ANKS1B: variants seen among roughly 807,000 people sequenced by gnomAD.
ANKS1B encodes the protein ankyrin repeat and sterile alpha motif domain-containing protein 1B.
In ANKS1B, 36 loss-of-function variants were observed where a neutral mutation model predicts 148.3. The observed-to-expected ratio is 0.24, with a 90% CI of 0.19 to 0.32. The LOEUF is 0.32. ANKS1B is among the 10% of genes least tolerant of loss of function. The pLI is 1.00. For missense variants in ANKS1B, 1,157 were observed against 1,542.6 expected (o/e 0.75, Z 4.19); for synonymous variants, 542 against 560.8 (o/e 0.97, Z 0.47).
rs373021059 is a variant in ANKS1B at position 99,782,466 on chromosome 12, G to C, written c.670-369C>G. On this transcript the variant is annotated intron_variant, in intron 4 of 26. Transcript: ENST00000683438. ...CCCAGCTACTCAGGAAGCTGAGGCA[G>C]GAGAATCGCTTGAACTCAGGAAGCA... Among the ~76,000 whole-genome samples, 5 of 152,298 alleles carry C rather than the reference G, an allele frequency of 3.3e-5. No homozygotes were observed. The East Asian group carries it at 9.7e-4, about 29-fold the overall frequency.
At chr12:99,872,657 A>T (rs946853684) in intron 1 of ANKS1B, among the ~76,000 whole-genome samples, 2 of 152,164 alleles carry the variant, frequency 1.3e-5, no homozygotes, top group Admixed American at 1.3e-4. Context: ...AAACAATTTT[A>T]AAGATTCTTA....
intron 2 of ANKS1B, among the ~76,000 whole-genome samples, chr12:99,821,892 A>G (rs1288295548): frequency 6.6e-6 from 1 of 152,114 alleles, no homozygotes; most frequent in African/African-American, 2.4e-5. Context: ...AAATATTTAG[A>G]TATCTGGACA....
chr12:98,845,077 A>G (rs1387304593), intron 17 of ANKS1B, among the ~76,000 whole-genome samples: 4 of 152,174 alleles, frequency 2.6e-5, no homozygotes, highest in Non-Finnish European at 5.9e-5. Context: ...TAAACGTAGG[A>G]AGGGGTTTAG....
chr12:99,487,424 G>C (rs1026272596), intron 10 of ANKS1B, among the ~76,000 whole-genome samples: 1 of 152,046 alleles, frequency 6.6e-6, no homozygotes, highest in Non-Finnish European at 1.5e-5. Flanking sequence ...TTCTATGTTT[G>C]TATATTAAAG....
intron 16 of ANKS1B, among the ~76,000 whole-genome samples, chr12:99,058,986 C>T (rs2041378998): frequency 1.9e-5 from 2 of 107,392 alleles, no homozygotes; most frequent in African/African-American, 7.1e-5. Context: ...ATCCGCCCGC[C>T]TCGGCCTCCC....
At chr12:99,869,813 ACTC>A (rs2091263544) in intron 1 of ANKS1B, among the ~76,000 whole-genome samples, 2 of 152,068 alleles carry the variant, frequency 1.3e-5, no homozygotes, top group African/African-American at 4.8e-5. Flanking sequence ...TAAAAAAAGA[ACTC>A]CTAATAGATC....
chr12:99,370,516 C>G (rs2093070033), intron 12 of ANKS1B, among the ~76,000 whole-genome samples: 1 of 152,024 alleles, frequency 6.6e-6, no homozygotes, highest in African/African-American at 2.4e-5. Flanking sequence ...AAAAGACAGG[C>G]AACAGACACA....
rs2097768393 is a variant in ANKS1B, at chr12:98,735,489, G to A, written c.*71C>T. On this transcript the variant is annotated 3_prime_UTR_variant, in exon 10 of 10. Coordinates refer to the ANKS1B transcript ENST00000341752. The stretch of plus-strand genomic sequence containing the variant: ...TTTATCTGTTGATTAGACCACTAAA[G>A]TGAAGGATTCAAGCTAAATACATCA... The A allele has an allele frequency of 1.5e-5, 9 of 589,698 alleles. No individual in the cohort carries two copies. In the East Asian group the frequency reaches 1.6e-4, roughly 11 times the overall value. 36.5% of individuals were successfully genotyped at this position (589,698 alleles called of 1,614,324 possible). A position where few individuals can be genotyped will look rare whatever the true frequency, so the allele number is the denominator to read the frequency against.
chr12:99,009,897 C>A (rs934519545), intron 17 of ANKS1B, among the ~76,000 whole-genome samples: 1 of 151,854 alleles, frequency 6.6e-6, no homozygotes, highest in Non-Finnish European at 1.5e-5. Context: ...AACCAGAATC[C>A]TTATTAGTTA....
chr12:99,799,276 T>C (rs2066641362), intron 4 of ANKS1B, among the ~76,000 whole-genome samples: 1 of 152,110 alleles, frequency 6.6e-6, no homozygotes, highest in Non-Finnish European at 1.5e-5. Context: ...ATCAGCCTCT[T>C]CTGTCTCCCT....
At chr12:98,828,518 C>T (rs117167521) in intron 19 of ANKS1B, among the ~76,000 whole-genome samples, 88 of 152,278 alleles carry the variant, frequency 5.8e-4, no homozygotes, top group Admixed American at 1.2e-3. Flanking sequence ...CGGAGCTACC[C>T]GCCCATCTGA....
intron 12 of ANKS1B, among the ~76,000 whole-genome samples, chr12:99,391,733 C>A (rs770157364): frequency 1.3e-5 from 2 of 152,158 alleles, no homozygotes; most frequent in Non-Finnish European, 2.9e-5. Context: ...TGCTGAAAAG[C>A]AATCAACTTT....
chr12:99,217,203 T>C (rs1355243044), intron 14 of ANKS1B, among the ~76,000 whole-genome samples: 2 of 152,158 alleles, frequency 1.3e-5, no homozygotes, highest in Non-Finnish European at 2.9e-5. Context: ...CGTTAACCTC[T>C]CCATTTTCAT....
At chr12:99,614,120 C>T (rs1346227215) in intron 9 of ANKS1B, among the ~76,000 whole-genome samples, 1 of 151,658 alleles carries the variant, frequency 6.6e-6, no homozygotes, top group South Asian at 2.1e-4. Flanking sequence ...TTTCTGCTTT[C>T]GAGGCAAAAC....
chr12:99,228,367 T>C (rs929788842), intron 14 of ANKS1B, among the ~76,000 whole-genome samples: 2 of 152,104 alleles, frequency 1.3e-5, no homozygotes, highest in African/African-American at 4.8e-5. Flanking sequence ...GAGAACTGTA[T>C]ATGGCATGAT....
intron 9 of ANKS1B, among the ~76,000 whole-genome samples, chr12:99,580,855 C>A (rs1416903772): frequency 6.6e-6 from 1 of 151,828 alleles, no homozygotes; most frequent in Non-Finnish European, 1.5e-5. Context: ...CACATGTACC[C>A]CACAAATATG....
Position 99,091,773 on chromosome 12 carries a change from A to G in ANKS1B, c.2527-6750T>C, listed in dbSNP as rs966733536. 2.1e-5 allele frequency among the ~76,000 whole-genome samples: 3 copies of G among 144,298 alleles called. No individual in the cohort carries two copies. In the South Asian group the frequency reaches 6.9e-4, roughly 33 times the overall value. The allele number at this position is 144,298 out of a possible 152,430, so 94.7% of individuals were successfully genotyped here. ...AGGCACTGTTCTAAATACCTTCCAT[A>G]TATTACTTTATTTAATTCTCACAAT... is the stretch of plus-strand genomic sequence containing the variant. On this transcript the variant is annotated intron_variant, in intron 15 of 26. Coordinates refer to ENST00000683438, the MANE Select transcript of ANKS1B (RefSeq NM_001352186.2).
At chr12:99,924,800 C>T (rs2094446577) in intron 1 of ANKS1B, among the ~76,000 whole-genome samples, 1 of 152,142 alleles carries the variant, frequency 6.6e-6, no homozygotes, top group Non-Finnish European at 1.5e-5. Flanking sequence ...TTATAAGCCA[C>T]TCAGTCAATG....
At chr12:99,860,392 C>A (rs2089865883) in intron 1 of ANKS1B, among the ~76,000 whole-genome samples, 1 of 152,082 alleles carries the variant, frequency 6.6e-6, no homozygotes, top group Admixed American at 6.5e-5. Flanking sequence ...GGTTGTTCAG[C>A]AAACATTTAG....
Sources: gnomAD v4.1 joint callset for allele counts (sites outside exome capture counted in the v4.1 genomes callset) on GRCh38, gnomAD v4.1.1 for gene constraint, MANE v1.5 for transcripts, NCBI Gene and HGNC (gene_info 2026-07-23, HGNC 2026-07-21) for gene names.